The following POP1 variants were observed in gnomAD, a reference collection of about 807,000 sequenced individuals.
POP1 encodes the protein ribonucleases P/MRP protein subunit POP1.
Under a neutral mutation model 102.2 loss-of-function variants are expected in POP1, and 75 were observed. That is an observed-to-expected ratio of 0.73 (90% CI 0.61 to 0.89). POP1 has a LOEUF of 0.89. Among genes scored for constraint, POP1 ranks in the 40% least tolerant of loss-of-function variants. The pLI is 0.00. For synonymous variants in POP1, 436 were observed against 464.1 expected, an observed-to-expected ratio of 0.94 and a Z score of 0.78; for missense variants, 1,116 against 1,267.4, an observed-to-expected ratio of 0.88 and a Z score of 1.81.
intron 14 of POP1, among the ~76,000 whole-genome samples, chr8:98,153,162 G>A (rs546946526): frequency 2.5e-4 from 38 of 152,192 alleles, no homozygotes; most frequent in African/African-American, 9.2e-4. Flanking sequence ...TAGAGACAGC[G>A]TCTCGCTTTG....
chr8:98,148,942 G>A lies in POP1; in HGVS notation c.1838G>A (p.Gly613Asp). Reference sequence around the variant, plus strand: ...AAAGTGACTGGTGAAGATCGACTAGGCTGGGGAAGTGGCTGGGATGTCCTA... The same window carrying A: ...AAAGTGACTGGTGAAGATCGACTAGACTGGGGAAGTGGCTGGGATGTCCTA... ...PGKVTGEDRLGWGSGWDVLLP... is the reference protein window; with the variant it reads ...PGKVTGEDRLDWGSGWDVLLP... Residue 613 changes from glycine (G) to aspartate (D), a missense_variant, in exon 13 of 16, where the codon GGC becomes GAC. Coordinates refer to ENST00000401707, the MANE Select transcript of POP1 (RefSeq NM_001145860.2). 1.2e-6 allele frequency: 2 copies of A among 1,613,900 alleles called. No homozygotes were observed. Among genetic ancestry groups the A allele is most frequent in the Non-Finnish European group, 1.7e-6 (2 of 1,179,876 alleles).
At chr8:98,147,714 T>A (rs941434452) in intron 12 of POP1, among the ~76,000 whole-genome samples, 1 of 152,058 alleles carries the variant, frequency 6.6e-6, no homozygotes, top group African/African-American at 2.4e-5. Flanking sequence ...GAGGGTGATG[T>A]TTAACGCATA....
chr8:98,131,120 T>C (rs1046830462), intron 5 of POP1, among the ~76,000 whole-genome samples: 3 of 152,238 alleles, frequency 2.0e-5, no homozygotes, highest in African/African-American at 7.2e-5. Flanking sequence ...TGGTCAAATA[T>C]ACATAACAAA....
At chr8:98,122,782 A>G (rs1363161889) in intron 1 of POP1, among the ~76,000 whole-genome samples, 1 of 152,224 alleles carries the variant, frequency 6.6e-6, no homozygotes. Context: ...TTTCATTTAA[A>G]AATAGAGAAC....
chr8:98,143,714 C>G (rs1463790877), intron 11 of POP1, among the ~76,000 whole-genome samples: 4 of 152,166 alleles, frequency 2.6e-5, no homozygotes, highest in African/African-American at 9.7e-5. Context: ...GCCTATTCAT[C>G]CCTCTTTTCC....
Position 98,136,749 on chromosome 8 carries a change from A to G in POP1, c.1268+11A>G, listed in dbSNP as rs1459265926. The G allele has an allele frequency of 6.2e-7, 1 of 1,613,942 alleles. No homozygotes were observed. Among genetic ancestry groups the G allele is most frequent in the Non-Finnish European group, 8.5e-7 (1 of 1,179,786 alleles). On this transcript the variant is annotated intron_variant, in intron 8 of 15. Coordinates refer to ENST00000401707, the MANE Select transcript of POP1 (RefSeq NM_001145860.2). ...AGGCATTATAATCAGGTATGAGTTGAATTTGCTTTGAACCTACTGAACATT... is the reference window on the plus strand; with the variant it reads ...AGGCATTATAATCAGGTATGAGTTGGATTTGCTTTGAACCTACTGAACATT...
Position 98,117,317 on chromosome 8 carries a change from G to C in POP1, c.-76G>C. On this transcript the variant is annotated 5_prime_UTR_variant, in exon 1 of 16. Transcript: ENST00000401707. ...CATGCGCTCTCCAGCGCGCTCTCCA[G>C]GAGCTTTGGCTCGGTGGGTACTGTC... The C allele has an allele frequency of 1.7e-6, 1 of 583,786 alleles. No individual in the cohort carries two copies. Among genetic ancestry groups the C allele is most frequent in the Non-Finnish European group, 3.0e-6 (1 of 328,222 alleles). 36.2% of individuals were successfully genotyped at this position (583,786 alleles called of 1,614,324 possible).
At chr8:98,121,248 G>A (rs1310942757) in intron 1 of POP1, among the ~76,000 whole-genome samples, 1 of 152,142 alleles carries the variant, frequency 6.6e-6, no homozygotes. Context: ...ATACCATATA[G>A]GCAAGTCTTA....
chr8:98,154,956 A>C, intron 14 of POP1, among the ~76,000 whole-genome samples: 1 of 152,342 alleles, frequency 6.6e-6, no homozygotes, highest in Non-Finnish European at 1.5e-5. Context: ...AAATAAATAA[A>C]AAGAAAGAAA....
intron 9 of POP1, among the ~76,000 whole-genome samples, chr8:98,138,847 C>CCT (rs1816624769): frequency 7.6e-6 from 1 of 130,856 alleles, no homozygotes; most frequent in South Asian, 2.5e-4. Context: ...GTTATGATTG[C>CCT]TTTTTTTTTT....
chr8:98,157,809 T>A lies in POP1; in HGVS notation c.2613T>A (p.Pro871=), dbSNP rs1809694580. The A allele has an allele frequency of 6.2e-7, 1 of 1,614,196 alleles. No individual in the cohort carries two copies. Among genetic ancestry groups the A allele is most frequent in the Non-Finnish European group, 8.5e-7 (1 of 1,180,034 alleles). ...TGCTCAGCAAGGGCAGCCCCGAGCC[T>A]CACACCATGATCTGTGTCCCAGCCA... The part of the protein sequence containing the change: ...LSLLSKGSPE[P]HTMICVPAKE... Residue 871 remains proline, a synonymous_variant, in exon 16 of 16, where the codon CCT becomes CCA. Transcript: ENST00000401707.
intron 5 of POP1, 64 bp downstream of exon 5, chr8:98,130,290 G>T: frequency 6.2e-7 from 1 of 1,603,614 alleles, no homozygotes; most frequent in Non-Finnish European, 8.5e-7. Flanking sequence ...GAGGCCTTTA[G>T]AATAGTTTAT....
intron 14 of POP1, among the ~76,000 whole-genome samples, chr8:98,152,261 T>C (rs1809532224): frequency 6.6e-6 from 1 of 152,244 alleles, no homozygotes; most frequent in African/African-American, 2.4e-5. Context: ...AAATTTTCCA[T>C]AGATATACAT....
At chr8:98,135,247 C>T (rs1816501722) in intron 7 of POP1, among the ~76,000 whole-genome samples, 1 of 151,304 alleles carries the variant, frequency 6.6e-6, no homozygotes, top group African/African-American at 2.4e-5. Context: ...TATTGCACTC[C>T]AGCCTGGGTG....
At chr8:98,150,814 T>C (rs1217782682) in intron 14 of POP1, among the ~76,000 whole-genome samples, 175 bp downstream of exon 14, 1 of 152,214 alleles carries the variant, frequency 6.6e-6, no homozygotes, top group African/African-American at 2.4e-5. Flanking sequence ...TTGTCTTATA[T>C]CTATTTGGCT....
Position 98,136,733 on chromosome 8 carries a change from A to C in POP1, c.1263A>C (p.Ile421=), listed in dbSNP as rs768669538. 6.2e-7 allele frequency: 1 copy of C among 1,614,080 alleles called. No individual in the cohort carries two copies. Among genetic ancestry groups the C allele is most frequent in the South Asian group, 1.1e-5 (1 of 91,084 alleles). The change falls in exon 8 of 16, where the codon ATA becomes ATC. Residue 421 remains isoleucine (I), a synonymous_variant. Transcript: ENST00000401707. The stretch of plus-strand genomic sequence containing the variant: ...GGATCTCTCCAACCACAGGCATTAT[A>C]ATCAGGTATGAGTTGAATTTGCTTT... ...YSWISPTTGI[I]ISDLTMEMNR... is the part of the protein sequence containing the mutation.
chr8:98,130,299 A>T, intron 5 of POP1, 73 bp downstream of exon 5: 1 of 1,582,498 alleles, frequency 6.3e-7, no homozygotes, highest in South Asian at 1.1e-5. Flanking sequence ...AGAATAGTTT[A>T]TGATGTGCCA....
intron 1 of POP1, among the ~76,000 whole-genome samples, chr8:98,121,787 A>G (rs1271979102): frequency 1.3e-5 from 2 of 150,974 alleles, no homozygotes; most frequent in African/African-American, 4.9e-5. Flanking sequence ...GGTTCACACC[A>G]TTCTCCTGCC....
Position 98,117,346 on chromosome 8 carries a change from G to A in POP1, c.-47G>A. On this transcript the variant is annotated 5_prime_UTR_variant, in exon 1 of 16. Transcript: ENST00000401707. ...CTTTGGCTCGGTGGGTACTGTCGCG[G>A]AGGCTTGTCATTCTGACCCGGGGAT... The A allele has an allele frequency of 1.9e-6, 1 of 533,142 alleles. No homozygotes were observed. The highest frequency in any genetic ancestry group is 2.1e-5 in the South Asian group (1 of 48,066). The allele number at this position is 533,142 out of a possible 1,614,324, so 33.0% of individuals were successfully genotyped here. A position where few individuals can be genotyped will look rare whatever the true frequency, so the allele number is the denominator to read the frequency against.
Sources: allele counts gnomAD v4.1 joint callset (sites outside exome capture counted in the v4.1 genomes callset), GRCh38; gene constraint gnomAD v4.1.1; transcripts MANE v1.5; gene names NCBI Gene and HGNC (gene_info 2026-07-23, HGNC 2026-07-21).